The following CHSY1 variants were observed in gnomAD, a reference collection of about 807,000 sequenced individuals.
CHSY1 encodes the protein chondroitin sulfate synthase 1, also known as N-acetylgalactosaminyl-proteoglycan 3-beta-glucuronosyltransferase 1.
Under a neutral mutation model 59.8 loss-of-function variants are expected in CHSY1, and 13 were observed. That is an observed-to-expected ratio of 0.22 (90% CI 0.14 to 0.35). The LOEUF is 0.35. Among genes scored for constraint, CHSY1 ranks in the 10% least tolerant of loss-of-function variants. The pLI is 1.00. For missense variants in CHSY1, 947 were observed against 1,030.6 expected (o/e 0.92, Z 1.11); for synonymous variants, 459 against 401.2 (o/e 1.14, Z -1.72).
chr15:101,231,458 A>G (rs2038891855), intron 2 of CHSY1, among the ~76,000 whole-genome samples: 1 of 152,248 alleles, frequency 6.6e-6, no homozygotes, highest in Non-Finnish European at 1.5e-5. Context: ...AGGAAGACGT[A>G]TTCCTATAAG....
In CHSY1 at chr15:101,176,019, C is replaced by G. The variant is rs2038182885; in HGVS notation, c.*1369G>C. ...TCATTTCACTTTTGTCCCCAAAACA[C>G]ATGAGCACCAAAATTGTCAAAGAAC... On this transcript the variant is annotated 3_prime_UTR_variant, in exon 3 of 3. Transcript: ENST00000254190. The G allele has an allele frequency of 2.8e-6, 1 of 358,002 alleles. No individual in the cohort carries two copies. Among genetic ancestry groups the G allele is most frequent in the Non-Finnish European group, 5.0e-6 (1 of 201,620 alleles). The allele number at this position is 358,002 out of a possible 1,614,324, so 22.2% of individuals were successfully genotyped here. A position where few individuals can be genotyped will look rare whatever the true frequency, so the allele number is the denominator to read the frequency against.
chr15:101,205,848 G>A (rs12910394), intron 2 of CHSY1, among the ~76,000 whole-genome samples: 13,187 of 152,096 alleles, frequency 0.087, 736 homozygotes, highest in East Asian at 0.2. Flanking sequence ...CTACTCAGGG[G>A]GGCTGAGGCA....
At chr15:101,201,193 G>A (rs1377660518) in intron 2 of CHSY1, among the ~76,000 whole-genome samples, 2 of 152,192 alleles carry the variant, frequency 1.3e-5, no homozygotes, top group Non-Finnish European at 2.9e-5. Context: ...TTAGAGAACA[G>A]TGATTCCCCA....
chr15:101,179,977 G>A (rs2038253780), intron 2 of CHSY1, among the ~76,000 whole-genome samples: 2 of 152,210 alleles, frequency 1.3e-5, no homozygotes, highest in Admixed American at 6.5e-5. Flanking sequence ...ATTTGAGGTT[G>A]GTATCTGGTA....
At chr15:101,193,103 A>G (rs2038465720) in intron 2 of CHSY1, among the ~76,000 whole-genome samples, 1 of 152,248 alleles carries the variant, frequency 6.6e-6, no homozygotes, top group Non-Finnish European at 1.5e-5. Flanking sequence ...TTGTGCGTTC[A>G]GCAACTTGCT....
chr15:101,213,906 G>T (rs2038706222), intron 2 of CHSY1, among the ~76,000 whole-genome samples: 1 of 152,196 alleles, frequency 6.6e-6, no homozygotes, highest in Admixed American at 6.5e-5. Flanking sequence ...TTTTCCTAAT[G>T]CGGTTAAAAC....
In CHSY1 at chr15:101,177,745, T is replaced by C. The variant is rs750997098; in HGVS notation, c.2052A>G (p.Lys684=). The C allele has an allele frequency of 5.6e-6, 9 of 1,614,116 alleles. No homozygotes were observed. The East Asian group carries it at 2.0e-4, about 36-fold the overall frequency. The part of the protein sequence containing the change: ...PSDNHFAFTQ[K]TGFWRNYGFG... Reference sequence around the variant, plus strand: ...ACCCATAGTTTCTCCAGAAGCCAGTTTTCTGAGTAAAGGCAAAATGGTTGT... The same window carrying C: ...ACCCATAGTTTCTCCAGAAGCCAGTCTTCTGAGTAAAGGCAAAATGGTTGT... Residue 684 remains lysine, a synonymous_variant, in exon 3 of 3, where the codon AAA becomes AAG. Transcript: ENST00000254190.
chr15:101,188,449 G>A (rs1419772215), intron 2 of CHSY1, among the ~76,000 whole-genome samples: 1 of 152,148 alleles, frequency 6.6e-6, no homozygotes, highest in Admixed American at 6.6e-5. Flanking sequence ...CTCTCAGGAC[G>A]CATGGTTATC....
chr15:101,228,823 G>T lies in CHSY1; in HGVS notation c.816+6259C>A, dbSNP rs1468205813. Among the ~76,000 whole-genome samples, 5 of 152,054 alleles carry T rather than the reference G, an allele frequency of 3.3e-5. No individual in the cohort carries two copies. In the South Asian group the frequency reaches 8.3e-4, roughly 25 times the overall value. On this transcript the variant is annotated intron_variant, in intron 2 of 2. Transcript: ENST00000254190. ...AAGGGTAACTACATAGGTAAAAAAG[G>T]GTATAAATGTATTTTTTATTTGTAA...
At chr15:101,250,709 G>A (rs936044096) in intron 1 of CHSY1, among the ~76,000 whole-genome samples, 2 of 152,182 alleles carry the variant, frequency 1.3e-5, no homozygotes, top group Non-Finnish European at 1.5e-5. Context: ...AACGTACACG[G>A]GCTCCAGCTT....
Position 101,178,346 on chromosome 15 carries a change from T to G in CHSY1, c.1451A>C (p.Glu484Ala), listed in dbSNP as rs771638136. ...CTCTTGTGCATCCAGCTCCTCATGC[T>G]CCACAAACTGGATTTTGCTGAAAGT... ...QQTFSKIQFV[E>A]HEELDAQELA... Residue 484 changes from glutamate to alanine, a missense_variant, in exon 3 of 3, where the codon GAG becomes GCG. Glu to Ala is a moderately radical substitution (Grantham distance 107). Coordinates refer to ENST00000254190, the MANE Select transcript of CHSY1 (RefSeq NM_014918.5). 6.2e-7 allele frequency: 1 copy of G among 1,607,850 alleles called. No individual in the cohort carries two copies. The highest frequency in any genetic ancestry group is 1.7e-5 in the Admixed American group (1 of 59,786).
At chr15:101,245,253 G>A (rs1365771736) in intron 1 of CHSY1, among the ~76,000 whole-genome samples, 1 of 152,176 alleles carries the variant, frequency 6.6e-6, no homozygotes, top group African/African-American at 2.4e-5. Context: ...TAGCCCCAAA[G>A]AGCTGGCCTT....
At chr15:101,179,619 G>A (rs1596420718) in intron 2 of CHSY1, among the ~76,000 whole-genome samples, 1 of 152,350 alleles carries the variant, frequency 6.6e-6, no homozygotes, top group South Asian at 2.1e-4. Flanking sequence ...CTGCGTACGA[G>A]GAAGGTACCC....
intron 2 of CHSY1, among the ~76,000 whole-genome samples, chr15:101,220,559 GATGTATCAGC>G (rs1432087232): frequency 6.6e-6 from 1 of 152,128 alleles, no homozygotes; most frequent in Non-Finnish European, 1.5e-5. Flanking sequence ...CCTCTTCGCA[GATGTATCAGC>G]ATGCCTGCCA....
chr15:101,200,923 T>A (rs2038567449), intron 2 of CHSY1, among the ~76,000 whole-genome samples: 1 of 152,086 alleles, frequency 6.6e-6, no homozygotes, highest in African/African-American at 2.4e-5. Context: ...AGGCCACAGT[T>A]CTGTGGATGA....
chr15:101,228,672 C>G (rs1257958276), intron 2 of CHSY1, among the ~76,000 whole-genome samples: 1 of 152,016 alleles, frequency 6.6e-6, no homozygotes, highest in Non-Finnish European at 1.5e-5. Context: ...TAGGACATTC[C>G]AAGAGAAACA....
rs1161119322 is a variant in CHSY1, at chr15:101,177,101, A to G, written c.*287T>C. On this transcript the variant is annotated 3_prime_UTR_variant, in exon 3 of 3. Transcript: ENST00000254190. ...TTCACGTTTTCTGCCATAGGACTGG[A>G]GCAAAGGGTCTCAAAAGAAAACATT... 3.2e-6 allele frequency: 1 copy of G among 309,392 alleles called. No individual in the cohort carries two copies. Among genetic ancestry groups the G allele is most frequent in the Non-Finnish European group, 6.0e-6 (1 of 166,196 alleles). The allele number at this position is 309,392 out of a possible 1,614,324, so 19.2% of individuals were successfully genotyped here.
intron 2 of CHSY1, among the ~76,000 whole-genome samples, chr15:101,183,500 T>C (rs539662122): frequency 8.5e-5 from 13 of 152,226 alleles, no homozygotes; most frequent in African/African-American, 3.1e-4. Flanking sequence ...AAACTATCCA[T>C]CCAGTGAGAA....
intron 2 of CHSY1, among the ~76,000 whole-genome samples, chr15:101,230,999 T>C (rs1041918098): frequency 1.3e-5 from 2 of 152,344 alleles, no homozygotes; most frequent in African/African-American, 4.8e-5. Context: ...TGGTGTATTT[T>C]GGTGTGCGGG....
Sources: gnomAD v4.1 joint callset for allele counts (sites outside exome capture counted in the v4.1 genomes callset) on GRCh38, gnomAD v4.1.1 for gene constraint, MANE v1.5 for transcripts, NCBI Gene and HGNC (gene_info 2026-07-23, HGNC 2026-07-21) for gene names.